SYNE1: variants seen among roughly 807,000 people sequenced by gnomAD.
SYNE1 encodes the protein spectrin repeat containing nuclear envelope protein 1.
SYNE1 carries 616 observed loss-of-function variants against 1,111.0 expected under a neutral mutation model. The observed-to-expected ratio is 0.55, with a 90% CI of 0.52 to 0.59. The LOEUF is 0.59. SYNE1 is among the 20% of genes least tolerant of loss of function. The probability of loss-of-function intolerance (pLI) is 0.00; values close to 1 mark genes in which losing one functional copy is unlikely to be tolerated. For missense variants in SYNE1, 10,006 were observed against 10,417.0 expected (o/e 0.96, Z 1.72); for synonymous variants, 3,855 against 3,825.8 (o/e 1.01, Z -0.28).
At position 152,164,267 on chromosome 6, in the gene SYNE1, T is replaced by A; in HGVS notation, c.23686A>T (p.Ser7896Cys). Residue 7896 changes from serine (S) to cysteine (C), a missense_variant, in exon 131 of 146, where the codon AGC becomes TGC. Physicochemically the swap from Ser to Cys is moderately radical, Grantham distance 112. Around this residue, in one of 7 missense-constraint regions of SYNE1, gnomAD observed 2,182 missense variants for 2,287.8 expected, o/e 0.95. Coordinates refer to ENST00000367255, the MANE Select transcript of SYNE1 (RefSeq NM_182961.4). The stretch of plus-strand genomic sequence containing the variant: ...ATGTGAGCGAGCCAGGTCCTCAGGC[T>A]GCTCATGTTCTTATCAAGCTGCTGC... Reference protein sequence around the residue: ...AVQQLDKNMSSLRTWLAHIES... With the variant: ...AVQQLDKNMSCLRTWLAHIES... 1 of 1,614,218 alleles carries A rather than the reference T, an allele frequency of 6.2e-7. No individual in the cohort carries two copies. The highest frequency in any genetic ancestry group is 8.5e-7 in the Non-Finnish European group (1 of 1,180,046).
chr6:152,244,186 G>C (rs1158794101), intron 106 of SYNE1, among the ~76,000 whole-genome samples: 2 of 152,128 alleles, frequency 1.3e-5, no homozygotes, highest in Non-Finnish European at 2.9e-5. Flanking sequence ...AGTGCAATAC[G>C]AGGGTAGATA....
At position 152,122,442 on chromosome 6, in the gene SYNE1, T is replaced by C; in HGVS notation, c.26388A>G (p.Pro8796=). The change falls in exon 146 of 146, where the codon CCA becomes CCG. Residue 8796 remains proline (P), a synonymous_variant. Transcript: ENST00000367255. ...CAGATGGCATCTGCTTAGTTCAGAG[T>C]GGAGGAGGGCCATTCGTGTATCTGA... ...PMLRYTNGPP[P]L is the part of the protein sequence containing the mutation. 1 of 1,613,996 alleles carries C rather than the reference T, an allele frequency of 6.2e-7. No individual in the cohort carries two copies. The highest frequency in any genetic ancestry group is 2.2e-5 in the East Asian group (1 of 44,880).
At chr6:152,605,558 C>T (rs377737841) in intron 3 of SYNE1, among the ~76,000 whole-genome samples, 30 of 152,176 alleles carry the variant, frequency 2.0e-4, no homozygotes, top group South Asian at 4.2e-4. Context: ...GATTGTAAAG[C>T]GACCCTGCCA....
At chr6:152,312,162 T>G (rs1369123526) in intron 87 of SYNE1, among the ~76,000 whole-genome samples, 1 of 151,912 alleles carries the variant, frequency 6.6e-6, no homozygotes, top group Non-Finnish European at 1.5e-5. Context: ...AGATAAATAT[T>G]TATCTGTATA....
chr6:152,318,241 C>T lies in SYNE1; in HGVS notation c.16412G>A (p.Gly5471Asp). The T allele has an allele frequency of 1.2e-6, 2 of 1,614,150 alleles. No individual in the cohort carries two copies. Among genetic ancestry groups the T allele is most frequent in the South Asian group, 1.1e-5 (1 of 91,084 alleles). The change falls in exon 86 of 146, where the codon GGC becomes GAC. Residue 5471 changes from glycine (G) to aspartate (D), a missense_variant. Gly to Asp is a moderately conservative substitution (Grantham distance 94). Coordinates refer to ENST00000367255, the MANE Select transcript of SYNE1 (RefSeq NM_182961.4). ...TAATTCCATTAACTTTGAATTACAG[C>T]CATCTAATTCCTCTCCCAGCACCTT... ...DQKVLGEELD[G>D]CNSKLMELDA... is the part of the protein sequence containing the mutation.
intron 71 of SYNE1, 103 bp downstream of exon 71, chr6:152,350,515 A>G: frequency 6.6e-7 from 1 of 1,525,686 alleles, no homozygotes; most frequent in Admixed American, 1.7e-5. Context: ...AAAAAAAAAT[A>G]CTAACCCGTA....
intron 36 of SYNE1, 151 bp from the exon 37 acceptor site, chr6:152,428,543 A>G: frequency 1.3e-6 from 1 of 756,850 alleles, no homozygotes; most frequent in Non-Finnish European, 2.3e-6. Flanking sequence ...GTTTGATAGA[A>G]GAAATGAGAC....
chr6:152,460,789 T>C (rs2098727891), intron 21 of SYNE1, among the ~76,000 whole-genome samples: 1 of 143,888 alleles, frequency 6.9e-6, no homozygotes, highest in South Asian at 2.2e-4. Context: ...AAGGTATAAA[T>C]GTATATAATC....
chr6:152,218,352 C>A lies in SYNE1; in HGVS notation c.22096G>T (p.Ala7366Ser). Residue 7366 changes from alanine to serine, a missense_variant, in exon 121 of 146, where the codon GCC becomes TCC. Physicochemically the swap from Ala to Ser is moderately conservative, Grantham distance 99. This residue lies in a region of SYNE1 where 2,182 missense variants were observed against 2,287.8 expected (regional missense o/e 0.95). Transcript: ENST00000367255. ...ATTTCTTCAGCTTCCACTATCCAGG[C>A]CTCCAAAGCTTCTAAACTCTTGGCA... is the stretch of plus-strand genomic sequence containing the variant. ...TFAKSLEALE[A>S]WIVEAEEILQ... 2 of 1,613,952 alleles carry A rather than the reference C, an allele frequency of 1.2e-6. No individual in the cohort carries two copies. The highest frequency in any genetic ancestry group is 1.7e-6 in the Non-Finnish European group (2 of 1,179,964).
chr6:152,162,599 T>A (rs1441620903), intron 131 of SYNE1, among the ~76,000 whole-genome samples: 1 of 152,192 alleles, frequency 6.6e-6, no homozygotes, highest in Non-Finnish European at 1.5e-5. Flanking sequence ...ATCCCTACAA[T>A]TCAATCATCA....
intron 6 of SYNE1, among the ~76,000 whole-genome samples, chr6:152,515,055 C>T (rs890108511): frequency 6.6e-6 from 1 of 151,940 alleles, no homozygotes; most frequent in African/African-American, 2.4e-5. Context: ...AACTCTGTCA[C>T]TACTAAAAAT....
chr6:152,557,104 A>G (rs1190663547), intron 3 of SYNE1, among the ~76,000 whole-genome samples: 1 of 152,198 alleles, frequency 6.6e-6, no homozygotes, highest in East Asian at 1.9e-4. Flanking sequence ...CAACAGAGAG[A>G]CAGAAACCAT....
At chr6:152,211,623 G>T (rs180893624) in intron 123 of SYNE1, 35 bp from the exon 124 acceptor site, 14 of 1,570,324 alleles carry the variant, frequency 8.9e-6, no homozygotes, top group African/African-American at 6.7e-5. Flanking sequence ...ATACTTTAGA[G>T]TTCCTAATTT....
At chr6:152,238,435 T>C (rs2084738336) in intron 108 of SYNE1, among the ~76,000 whole-genome samples, 1 of 152,216 alleles carries the variant, frequency 6.6e-6, no homozygotes, top group African/African-American at 2.4e-5. Flanking sequence ...GGACCTGACA[T>C]GTCAATAAAG....
chr6:152,196,794 G>A (rs549330662), intron 127 of SYNE1, among the ~76,000 whole-genome samples: 8 of 152,036 alleles, frequency 5.3e-5, no homozygotes, highest in Non-Finnish European at 1.0e-4. Context: ...GTGTGTCACC[G>A]GGTCATGTAC....
chr6:152,490,008 A>G (rs563909697), intron 11 of SYNE1, among the ~76,000 whole-genome samples: 1 of 152,290 alleles, frequency 6.6e-6, no homozygotes, highest in East Asian at 1.9e-4. Flanking sequence ...TATTCACCCA[A>G]ATGCATTATA....
rs376693048 is a variant in SYNE1 at position 152,510,213 on chromosome 6, C to G, written c.561G>C (p.Trp187Cys). 7 of 1,613,852 alleles carry G rather than the reference C, an allele frequency of 4.3e-6. No homozygotes were observed. Among genetic ancestry groups the G allele is most frequent in the Non-Finnish European group, 5.9e-6 (7 of 1,179,922 alleles). ...CTTACTTGCCAGCTGTGTACTGAACCCACTTTAATAAAGCCTTCTTAGCAT... is the reference window on the plus strand; with the variant it reads ...CTTACTTGCCAGCTGTGTACTGAACGCACTTTAATAAAGCCTTCTTAGCAT... ...QGNAKKALLKWVQYTAGKQTG... is the reference protein window; with the variant it reads ...QGNAKKALLKCVQYTAGKQTG... Residue 187 changes from tryptophan (W) to cysteine (C), a missense_variant, in exon 8 of 146, where the codon TGG becomes TGC. This residue lies in a region of SYNE1 where 1,971 missense variants were observed against 2,084.1 expected (regional missense o/e 0.95). Coordinates refer to ENST00000367255, the MANE Select transcript of SYNE1 (RefSeq NM_182961.4).
intron 87 of SYNE1, chr6:152,316,578 A>AGAAAAT (rs2095729186): frequency 2.2e-6 from 1 of 448,758 alleles, no homozygotes; most frequent in Non-Finnish European, 4.0e-6. Flanking sequence ...AAGAAGCTAC[A>AGAAAAT]GAAAATGAGT....
At chr6:152,203,850 A>G (rs2075988696) in intron 126 of SYNE1, among the ~76,000 whole-genome samples, 1 of 152,150 alleles carries the variant, frequency 6.6e-6, no homozygotes, top group African/African-American at 2.4e-5. Flanking sequence ...AAAATTCTTA[A>G]AAAACAAAAA....
Sources: allele counts gnomAD v4.1 joint callset (sites outside exome capture counted in the v4.1 genomes callset), GRCh38; gene constraint gnomAD v4.1.1; regional missense constraint gnomAD v4.1.1; transcripts MANE v1.5; gene names NCBI Gene and HGNC (gene_info 2026-07-23, HGNC 2026-07-21).